The following ZFC3H1 variants were observed in gnomAD, a reference collection of about 807,000 sequenced individuals.
ZFC3H1 encodes the protein zinc finger C3H1 domain-containing protein.
Under a neutral mutation model 243.7 loss-of-function variants are expected in ZFC3H1, and 71 were observed. The observed-to-expected ratio is 0.29, with a 90% confidence interval of 0.24 to 0.36. The LOEUF (loss-of-function observed/expected upper bound fraction) is 0.36, where lower values mean the gene tolerates loss of function less well. Among genes scored for constraint, ZFC3H1 ranks in the 10% least tolerant of loss-of-function variants. ZFC3H1 has a pLI of 1.00. For synonymous variants in ZFC3H1, 838 were observed against 813.0 expected (o/e 1.03, Z -0.52); for missense variants, 1,966 against 2,317.1 (o/e 0.85, Z 3.11).
At chr12:71,610,590 A>C in intron 34 of ZFC3H1, 25 bp from the exon 35 acceptor site, 4 of 1,612,874 alleles carry the variant, frequency 2.5e-6, no homozygotes, top group East Asian at 2.2e-5. Context: ...GAAGCATAGA[A>C]GTAAGACTTA....
At chr12:71,639,043 T>G (rs1044429941) in intron 6 of ZFC3H1, among the ~76,000 whole-genome samples, 1 of 152,176 alleles carries the variant, frequency 6.6e-6, no homozygotes, top group Non-Finnish European at 1.5e-5. Flanking sequence ...ATTTAGTCAA[T>G]AAGGTGCACA....
rs769037363 is a variant in ZFC3H1, at chr12:71,633,035, A to G, written c.2686-18T>C. 1.1e-4 allele frequency: 168 copies of G among 1,569,794 alleles called. 1 individual carries two copies. Among genetic ancestry groups the G allele is most frequent in the Non-Finnish European group, 1.4e-4 (163 of 1,163,832 alleles). On this transcript the variant is annotated intron_variant, in intron 13 of 34. Coordinates refer to ENST00000378743, the MANE Select transcript of ZFC3H1 (RefSeq NM_144982.5). ...CTGTGAATCTGAAAAATATAGAATA[A>G]TCCTGAAAATGTAAATGAAAACCTT...
chr12:71,655,537 T>C (rs1439066493), intron 2 of ZFC3H1, among the ~76,000 whole-genome samples: 2 of 152,160 alleles, frequency 1.3e-5, no homozygotes, highest in East Asian at 3.9e-4. Flanking sequence ...AAGTAAAGGA[T>C]TCTTAAGAAC....
At chr12:71,633,947 C>T (rs1015091228) in intron 12 of ZFC3H1, among the ~76,000 whole-genome samples, 2 of 152,160 alleles carry the variant, frequency 1.3e-5, no homozygotes, top group East Asian at 1.9e-4. Context: ...CGTGAGCCAC[C>T]GCGCCTGGCC....
At chr12:71,656,810 T>TA (rs751595463) in intron 2 of ZFC3H1, 75 bp downstream of exon 2, 1 of 1,413,384 alleles carries the variant, frequency 7.1e-7, no homozygotes, top group Non-Finnish European at 9.6e-7. Flanking sequence ...TTCAATGAAG[T>TA]ACACTGCCAA....
chr12:71,656,338 C>T, intron 2 of ZFC3H1: 1 of 396,678 alleles, frequency 2.5e-6, no homozygotes, highest in Non-Finnish European at 4.4e-6. Flanking sequence ...AAGCCAAATC[C>T]ATGATTTAAA....
At chr12:71,629,102 T>C in intron 19 of ZFC3H1, 65 bp from the exon 20 acceptor site, 5 of 1,339,700 alleles carry the variant, frequency 3.7e-6, no homozygotes, top group Non-Finnish European at 5.1e-6. Context: ...TTTTGAAGGA[T>C]ACTCAAATAA....
At chr12:71,633,110 C>T in intron 13 of ZFC3H1, 93 bp from the exon 14 acceptor site, 1 of 1,429,838 alleles carries the variant, frequency 7.0e-7, no homozygotes, top group South Asian at 1.4e-5. Context: ...GAGCATTCAA[C>T]TGAAAATAAA....
intron 5 of ZFC3H1, among the ~76,000 whole-genome samples, chr12:71,643,289 T>C (rs1880645277): frequency 6.6e-6 from 1 of 151,980 alleles, no homozygotes; most frequent in African/African-American, 2.4e-5. Context: ...GGTGGGTGCC[T>C]GTAATCCCAG....
chr12:71,644,812 C>CT, intron 4 of ZFC3H1, 65 bp downstream of exon 4: 4 of 1,554,460 alleles, frequency 2.6e-6, no homozygotes, highest in Middle Eastern at 2.4e-4. Flanking sequence ...GAGCAAAACT[C>CT]TGTCTCAAAA....
chr12:71,655,208 C>A (rs1880987383), intron 2 of ZFC3H1, among the ~76,000 whole-genome samples: 1 of 152,064 alleles, frequency 6.6e-6, no homozygotes, highest in Non-Finnish European at 1.5e-5. Context: ...GTTATCATAG[C>A]AATCTTATTT....
chr12:71,624,703 G>A (rs765099566), intron 22 of ZFC3H1, among the ~76,000 whole-genome samples: 7 of 152,134 alleles, frequency 4.6e-5, no homozygotes, highest in Non-Finnish European at 7.4e-5. Context: ...TGCTGGACGC[G>A]ATGGCTCATG....
chr12:71,656,302 T>C (rs903645901), intron 2 of ZFC3H1: 1 of 367,322 alleles, frequency 2.7e-6, no homozygotes, highest in Non-Finnish European at 4.8e-6. Context: ...ATAAATTATA[T>C]CTTAATAAAG....
intron 2 of ZFC3H1, among the ~76,000 whole-genome samples, chr12:71,654,772 T>C (rs541765139): frequency 2.6e-4 from 40 of 152,246 alleles, no homozygotes; most frequent in African/African-American, 5.3e-4. Context: ...AGGACAAAGA[T>C]TGTCATACTG....
At chr12:71,648,046 A>G (rs1442119630) in intron 2 of ZFC3H1, among the ~76,000 whole-genome samples, 2 of 152,206 alleles carry the variant, frequency 1.3e-5, no homozygotes, top group African/African-American at 4.8e-5. Flanking sequence ...ATTAAAATAA[A>G]GCCACACTTT....
At chr12:71,619,252 T>C (rs1879965586) in intron 27 of ZFC3H1, 63 bp downstream of exon 27, 1 of 1,444,720 alleles carries the variant, frequency 6.9e-7, no homozygotes, top group Non-Finnish European at 9.4e-7. Context: ...AAAAAAACTG[T>C]AATCTTTCTA....
intron 22 of ZFC3H1, among the ~76,000 whole-genome samples, chr12:71,626,046 T>C (rs1249486078): frequency 6.6e-6 from 1 of 152,152 alleles, no homozygotes; most frequent in Non-Finnish European, 1.5e-5. Context: ...AACAAAAAAA[T>C]CACCTCTTCA....
chr12:71,648,462 G>A (rs1158966113), intron 2 of ZFC3H1, among the ~76,000 whole-genome samples: 1 of 152,138 alleles, frequency 6.6e-6, no homozygotes, highest in Non-Finnish European at 1.5e-5. Context: ...ATCCTGTTGA[G>A]ATACTTTTGT....
chr12:71,656,914 A>C lies in ZFC3H1; in HGVS notation c.986T>G (p.Leu329Arg), dbSNP rs780883225. The change falls in exon 2 of 35, where the codon CTG becomes CGG. Residue 329 changes from leucine (L) to arginine (R), a missense_variant. Leu to Arg is a moderately radical substitution (Grantham distance 102, BLOSUM62 -2). This residue lies in a region of ZFC3H1 where 484 missense variants were observed against 449.7 expected (regional missense o/e 1.08). Transcript: ENST00000378743. ...KVKDGAKPLSLKSDTTDSSQG... is the reference protein window; with the variant it reads ...KVKDGAKPLSRKSDTTDSSQG... The stretch of plus-strand genomic sequence containing the variant: ...ACTAGAATCAGTAGTGTCGGATTTC[A>C]GGGAAAGTGGTTTTGCTCCATCTTT... The C allele has an allele frequency of 2.5e-6, 4 of 1,612,824 alleles. No individual in the cohort carries two copies. The highest frequency in any genetic ancestry group is 2.2e-5 in the South Asian group (2 of 90,814).
Sources: allele counts gnomAD v4.1 joint callset (sites outside exome capture counted in the v4.1 genomes callset), GRCh38; gene constraint gnomAD v4.1.1; regional missense constraint gnomAD v4.1.1; transcripts MANE v1.5; gene names NCBI Gene and HGNC (gene_info 2026-07-23, HGNC 2026-07-21).